ST8SIA5: variants seen among roughly 807,000 people sequenced by gnomAD.
The protein encoded by ST8SIA5 is ST8 alpha-N-acetyl-neuraminide alpha-2,8-sialyltransferase 5, also known as alpha-2,8-sialyltransferase 8E.
Under a neutral mutation model 40.2 loss-of-function variants are expected in ST8SIA5, and 24 were observed. The ratio of observed to expected loss-of-function variants is 0.60; its 90% CI spans 0.43 to 0.84. The LOEUF (loss-of-function observed/expected upper bound fraction) is 0.84. Ranked by LOEUF, ST8SIA5 falls within the 40% of genes least tolerant of loss-of-function variation. The probability of loss-of-function intolerance (pLI) is 0.00; values close to 1 mark genes in which losing one functional copy is unlikely to be tolerated. For missense variants in ST8SIA5, 465 were observed against 498.5 expected (o/e 0.93, Z 0.64); for synonymous variants, 198 against 201.8 (o/e 0.98, Z 0.16).
chr18:46,688,999 C>G, intron 3 of ST8SIA5, 80 bp from the exon 4 acceptor site: 1 of 1,517,024 alleles, frequency 6.6e-7, no homozygotes, highest in Non-Finnish European at 8.8e-7. Context: ...TCACGGAGAA[C>G]AGAGGGGTGG....
At chr18:46,743,430 A>G (rs1391359225) in intron 1 of ST8SIA5, among the ~76,000 whole-genome samples, 1 of 152,226 alleles carries the variant, frequency 6.6e-6, no homozygotes, top group Non-Finnish European at 1.5e-5. Context: ...ACAAGCTTCA[A>G]TAGCCGATTC....
At chr18:46,739,358 A>G (rs2040066259) in intron 1 of ST8SIA5, among the ~76,000 whole-genome samples, 1 of 152,158 alleles carries the variant, frequency 6.6e-6, no homozygotes, top group Admixed American at 6.5e-5. Context: ...CCTGGCCAAC[A>G]TAGCGAAACC....
At chr18:46,707,588 G>A (rs1248076516) in intron 1 of ST8SIA5, among the ~76,000 whole-genome samples, 1 of 152,178 alleles carries the variant, frequency 6.6e-6, no homozygotes, top group Non-Finnish European at 1.5e-5. Flanking sequence ...GTGGTGCTTA[G>A]GTAGAGAGGC....
intron 1 of ST8SIA5, among the ~76,000 whole-genome samples, chr18:46,742,416 AGCAAT>A (rs2040095756): frequency 9.9e-6 from 1 of 101,030 alleles, no homozygotes; most frequent in Non-Finnish European, 2.2e-5. Flanking sequence ...CTAAAGCACA[AGCAAT>A]CAACAACAAA....
chr18:46,724,987 GAGAGGAAGGAAGGA>G lies in ST8SIA5; in HGVS notation c.132-20337_132-20324del, dbSNP rs764100863. Among the ~76,000 whole-genome samples, 281 of 135,342 alleles carry G rather than the reference GAGAGGAAGGAAGGA, an allele frequency of 2.1e-3. 1 individual carries two copies. The highest frequency in any genetic ancestry group is 3.5e-3 in the Middle Eastern group (1 of 286). 88.8% of individuals were successfully genotyped at this position (135,342 alleles called of 152,430 possible). On this transcript the variant is annotated intron_variant, in intron 1 of 6. Coordinates refer to ENST00000315087, the MANE Select transcript of ST8SIA5 (RefSeq NM_013305.6). ...AAGACGAAAGAAAGGAAGAAAGAGAGAGAGGAAGGAAGGAAGGAAGGAAGGAAGGAAGGAAGGAA... is the reference window on the plus strand; with the variant it reads ...AAGACGAAAGAAAGGAAGAAAGAGAGAGGAAGGAAGGAAGGAAGGAAGGAA...
Position 46,671,113 on chromosome 18 carries a change from C to T in ST8SIA5, c.*8929G>A, listed in dbSNP as rs2039306412. 1 of 152,132 alleles carries T rather than the reference C, an allele frequency of 6.6e-6. No homozygotes were observed. Among genetic ancestry groups the T allele is most frequent in the Non-Finnish European group, 1.5e-5 (1 of 68,042 alleles). 9.4% of individuals were successfully genotyped at this position (152,132 alleles called of 1,614,324 possible). A position where few individuals can be genotyped will look rare whatever the true frequency, so the allele number is the denominator to read the frequency against. ...CCTAGGAAGTGAGTTGTGTTTTCAC[C>T]CTGCCTCAGTAAAACAGTAGCCATT... On this transcript the variant is annotated 3_prime_UTR_variant, in exon 7 of 7. Transcript: ENST00000315087.
rs1225490259 is a variant in ST8SIA5 at position 46,721,133 on chromosome 18, G to A, written c.132-16469C>T. Among the ~76,000 whole-genome samples the A allele has an allele frequency of 2.0e-5, 3 of 152,138 alleles. No homozygotes were observed. In the East Asian group the frequency reaches 5.8e-4, roughly 29 times the overall value. On this transcript the variant is annotated intron_variant, in intron 1 of 6. Transcript: ENST00000315087. Reference sequence around the variant, plus strand: ...CTCCCCACCCTACCCCCTGATAGAAGGGGCCAGTGAATCCCCGCTTGGTTG... The same window carrying A: ...CTCCCCACCCTACCCCCTGATAGAAAGGGCCAGTGAATCCCCGCTTGGTTG...
chr18:46,728,029 T>G (rs1157025598), intron 1 of ST8SIA5, among the ~76,000 whole-genome samples: 1 of 151,952 alleles, frequency 6.6e-6, no homozygotes, highest in African/African-American at 2.4e-5. Context: ...ACCCCATCTC[T>G]ACTAAAAATA....
At chr18:46,747,196 C>T (rs924808738) in intron 1 of ST8SIA5, among the ~76,000 whole-genome samples, 4 of 152,152 alleles carry the variant, frequency 2.6e-5, no homozygotes, top group Admixed American at 2.0e-4. Context: ...AAAGCAATGG[C>T]AACAAAAGCC....
chr18:46,742,218 C>G (rs372680319), intron 1 of ST8SIA5, among the ~76,000 whole-genome samples: 5 of 151,852 alleles, frequency 3.3e-5, no homozygotes, highest in African/African-American at 1.2e-4. Context: ...AATAAGCAAA[C>G]ATATTCAATG....
At chr18:46,695,294 G>A (rs183909798) in intron 2 of ST8SIA5, among the ~76,000 whole-genome samples, 5 of 152,290 alleles carry the variant, frequency 3.3e-5, no homozygotes, top group Admixed American at 3.3e-4. Flanking sequence ...ATAGCTGGCA[G>A]GGGAGGGGTG....
chr18:46,713,848 G>A (rs2039758625), intron 1 of ST8SIA5, among the ~76,000 whole-genome samples: 2 of 152,170 alleles, frequency 1.3e-5, no homozygotes, highest in Non-Finnish European at 2.9e-5. Context: ...TGCCGTAGGT[G>A]GAAGCAAGGC....
chr18:46,732,983 A>G (rs2039999533), intron 1 of ST8SIA5, among the ~76,000 whole-genome samples: 1 of 152,150 alleles, frequency 6.6e-6, no homozygotes, highest in African/African-American at 2.4e-5. Flanking sequence ...CACAAGGGAT[A>G]GCAGGACCTC....
At chr18:46,712,703 T>G (rs1205262929) in intron 1 of ST8SIA5, among the ~76,000 whole-genome samples, 1 of 152,166 alleles carries the variant, frequency 6.6e-6, no homozygotes. Flanking sequence ...CTCTACTGTG[T>G]GCCAGGAACT....
At chr18:46,726,018 A>ATATATATATATC (rs2039925101) in intron 1 of ST8SIA5, among the ~76,000 whole-genome samples, 1 of 92,374 alleles carries the variant, frequency 1.1e-5, no homozygotes, top group Non-Finnish European at 2.1e-5. Context: ...TATCCTGGAT[A>ATATATATATATC]TATATATATA....
intron 1 of ST8SIA5, among the ~76,000 whole-genome samples, chr18:46,726,805 G>A (rs939669207): frequency 2.0e-5 from 3 of 152,116 alleles, no homozygotes; most frequent in African/African-American, 7.2e-5. Flanking sequence ...TGTAATCTCA[G>A]CTACTCAGGA....
At chr18:46,738,818 C>T (rs574912875) in intron 1 of ST8SIA5, among the ~76,000 whole-genome samples, 5 of 152,184 alleles carry the variant, frequency 3.3e-5, no homozygotes, top group East Asian at 3.9e-4. Context: ...TGAGGGCCTT[C>T]GAATATACAC....
At chr18:46,743,980 G>A (rs1358754399) in intron 1 of ST8SIA5, among the ~76,000 whole-genome samples, 4 of 152,138 alleles carry the variant, frequency 2.6e-5, no homozygotes, top group African/African-American at 9.7e-5. Context: ...CATAACTGAA[G>A]GAGAAATAAA....
At chr18:46,733,771 G>A (rs995245620) in intron 1 of ST8SIA5, among the ~76,000 whole-genome samples, 3 of 152,310 alleles carry the variant, frequency 2.0e-5, no homozygotes, top group African/African-American at 7.2e-5. Context: ...TGCAGAGGCA[G>A]AGGTGAGGGG....
Sources: allele counts gnomAD v4.1 joint callset (sites outside exome capture counted in the v4.1 genomes callset), GRCh38; gene constraint gnomAD v4.1.1; transcripts MANE v1.5; gene names NCBI Gene and HGNC (gene_info 2026-07-23, HGNC 2026-07-21).